SGCZ: variants seen among roughly 807,000 people sequenced by gnomAD.
The protein encoded by SGCZ is sarcoglycan zeta.
Under a neutral mutation model 41.3 loss-of-function variants are expected in SGCZ, and 40 were observed. The observed-to-expected ratio is 0.97, with a 90% CI of 0.75 to 1.26. The LOEUF is 1.26. SGCZ is among the 50% of genes most tolerant of loss of function. SGCZ has a pLI of 0.00. For missense variants in SGCZ, 552 were observed against 369.8 expected (o/e 1.49, Z -4.04); for synonymous variants, 206 against 137.5 (o/e 1.50, Z -3.49).
At chr8:14,669,693 TACACACACACACACACACACACAC>T (rs35602830) in intron 1 of SGCZ, among the ~76,000 whole-genome samples, 5 of 147,556 alleles carry the variant, frequency 3.4e-5, no homozygotes, top group Non-Finnish European at 6.0e-5. Flanking sequence ...ATTTTGTGTA[TACACACACACACACACACACACAC>T]ACACACACAC....
At chr8:14,429,609 G>A (rs755855772) in intron 2 of SGCZ, among the ~76,000 whole-genome samples, 1 of 152,152 alleles carries the variant, frequency 6.6e-6, no homozygotes, top group African/African-American at 2.4e-5. Flanking sequence ...CTTCTTTGCA[G>A]ATGAAACTAA....
chr8:14,467,068 A>G (rs1245110315), intron 2 of SGCZ, among the ~76,000 whole-genome samples: 1 of 151,440 alleles, frequency 6.6e-6, no homozygotes, highest in South Asian at 2.1e-4. Flanking sequence ...TTGCTTATTT[A>G]TTTATTTATT....
At chr8:14,818,825 A>T (rs1801982220) in intron 1 of SGCZ, among the ~76,000 whole-genome samples, 1 of 152,056 alleles carries the variant, frequency 6.6e-6, no homozygotes, top group Non-Finnish European at 1.5e-5. Context: ...ATCAAGCAGA[A>T]GATAGAATTT....
intron 1 of SGCZ, among the ~76,000 whole-genome samples, chr8:14,811,333 T>A (rs974642936): frequency 2.0e-5 from 3 of 151,882 alleles, no homozygotes; most frequent in Admixed American, 2.0e-4. Flanking sequence ...AACCCACCTA[T>A]AAACTTTATT....
intron 3 of SGCZ, among the ~76,000 whole-genome samples, chr8:14,319,970 G>C (rs1021639908): frequency 1.3e-5 from 2 of 151,838 alleles, no homozygotes; most frequent in Non-Finnish European, 2.9e-5. Context: ...TTTAAGTTCA[G>C]CCATTTCCTA....
chr8:14,560,799 T>C (rs1804184966), intron 1 of SGCZ, among the ~76,000 whole-genome samples: 1 of 151,994 alleles, frequency 6.6e-6, no homozygotes, highest in African/African-American at 2.4e-5. Context: ...CTATATCAAA[T>C]GCCTCTAACA....
At chr8:14,308,477 A>C (rs544259342) in intron 3 of SGCZ, among the ~76,000 whole-genome samples, 4 of 152,184 alleles carry the variant, frequency 2.6e-5, no homozygotes, top group Non-Finnish European at 5.9e-5. Flanking sequence ...GGTCAAAGGC[A>C]GGGTTCAAGC....
intron 5 of SGCZ, among the ~76,000 whole-genome samples, chr8:14,138,125 A>G (rs1014177572): frequency 5.3e-5 from 8 of 152,172 alleles, no homozygotes; most frequent in African/African-American, 1.9e-4. Flanking sequence ...CAGACAAGCA[A>G]ATGCTGACAG....
intron 5 of SGCZ, among the ~76,000 whole-genome samples, chr8:14,120,567 A>G (rs796535187): frequency 1.1e-4 from 16 of 152,254 alleles, no homozygotes; most frequent in African/African-American, 3.6e-4. Context: ...AAGGAAAAAT[A>G]TAGATCTATA....
chr8:14,951,090 T>C (rs931060970), intron 1 of SGCZ, among the ~76,000 whole-genome samples: 6 of 152,020 alleles, frequency 3.9e-5, no homozygotes, highest in African/African-American at 1.4e-4. Flanking sequence ...CTGGTTGTTA[T>C]TGTGTTTGGG....
rs549076085 is a variant in SGCZ at position 14,573,237 on chromosome 8, G to A, written c.40-18311C>T. On this transcript the variant is annotated intron_variant, in intron 1 of 7. Coordinates refer to ENST00000382080, the MANE Select transcript of SGCZ (RefSeq NM_139167.4). ...TTTTGAGACGGAGTCTCGCTCTGTCGCCCAGGCTGGAGTGCAGTGGCGCTG... is the reference window on the plus strand; with the variant it reads ...TTTTGAGACGGAGTCTCGCTCTGTCACCCAGGCTGGAGTGCAGTGGCGCTG... Among the ~76,000 whole-genome samples, 60 of 114,492 alleles carry A rather than the reference G, an allele frequency of 5.2e-4. No homozygotes were observed. The East Asian group carries it at 0.015, about 29-fold the overall frequency. 75.1% of individuals were successfully genotyped at this position (114,492 alleles called of 152,430 possible).
intron 3 of SGCZ, among the ~76,000 whole-genome samples, chr8:14,295,247 T>A (rs938718002): frequency 5.3e-5 from 8 of 152,290 alleles, no homozygotes; most frequent in African/African-American, 1.7e-4. Flanking sequence ...TGGGTTGCTA[T>A]TCACCCATGA....
At chr8:14,423,451 T>C (rs1257857707) in intron 2 of SGCZ, among the ~76,000 whole-genome samples, 1 of 152,172 alleles carries the variant, frequency 6.6e-6, no homozygotes, top group East Asian at 1.9e-4. Context: ...AGTTTCGCTC[T>C]TGTTGGCCAG....
In SGCZ at chr8:14,929,791, A is replaced by G. The variant is rs945377458; in HGVS notation, c.39+307794T>C. On this transcript the variant is annotated intron_variant, in intron 1 of 7. Transcript: ENST00000382080. ...GCCCAGAAACAGATAACACCTTAAC[A>G]TTAGAAGGATATGAAATGTGGTGGA... Among the ~76,000 whole-genome samples the G allele has an allele frequency of 7.2e-5, 11 of 152,068 alleles. No individual in the cohort carries two copies. In the East Asian group the frequency reaches 1.9e-3, roughly 27 times the overall value.
chr8:14,901,543 A>C (rs1420755752), intron 1 of SGCZ, among the ~76,000 whole-genome samples: 1 of 152,144 alleles, frequency 6.6e-6, no homozygotes, highest in Non-Finnish European at 1.5e-5. Flanking sequence ...TTTTATTTAA[A>C]GGATGCTGTA....
intron 1 of SGCZ, among the ~76,000 whole-genome samples, chr8:14,635,763 C>G (rs1252208241): frequency 1.3e-5 from 2 of 151,832 alleles, no homozygotes; most frequent in African/African-American, 4.8e-5. Flanking sequence ...CAGGCATGCA[C>G]AGAGGGTCTT....
intron 1 of SGCZ, among the ~76,000 whole-genome samples, chr8:14,682,486 G>A (rs988802735): frequency 6.7e-6 from 1 of 150,346 alleles, no homozygotes; most frequent in African/African-American, 2.4e-5. Context: ...CCAGGCTGGA[G>A]TGCAGTGGTG....
intron 1 of SGCZ, among the ~76,000 whole-genome samples, chr8:15,156,776 G>T (rs1032968567): frequency 6.6e-6 from 1 of 151,714 alleles, no homozygotes; most frequent in African/African-American, 2.4e-5. Context: ...AAACCCCGTT[G>T]CTATTAAAAT....
intron 1 of SGCZ, among the ~76,000 whole-genome samples, chr8:15,004,234 A>G (rs544329937): frequency 6.6e-6 from 1 of 152,310 alleles, no homozygotes; most frequent in South Asian, 2.1e-4. Context: ...AGGTGCACCA[A>G]GTATAGATTT....
Sources: allele counts gnomAD v4.1 joint callset (sites outside exome capture counted in the v4.1 genomes callset), GRCh38; gene constraint gnomAD v4.1.1; transcripts MANE v1.5; gene names NCBI Gene and HGNC (gene_info 2026-07-23, HGNC 2026-07-21).